The following VWC2 variants were observed in gnomAD, a reference collection of about 807,000 sequenced individuals.
The protein encoded by VWC2 is von Willebrand factor C domain containing 2, also known as brorin.
A neutral mutation model predicts 29.8 loss-of-function variants in VWC2; 14 were observed. The observed-to-expected ratio is 0.47, with a 90% confidence interval of 0.31 to 0.74. The LOEUF is 0.74. Ranked by LOEUF, VWC2 falls within the 30% of genes least tolerant of loss-of-function variation. The pLI, the probability that VWC2 is intolerant of heterozygous loss-of-function variation, is 0.05. For missense variants in VWC2, 457 were observed against 459.8 expected (o/e 0.99, Z 0.05); for synonymous variants, 213 against 199.0 (o/e 1.07, Z -0.59).
rs755722299 is a variant in VWC2, at chr7:49,775,557, A to G, written c.122A>G (p.Glu41Gly). Residue 41 changes from glutamate (E) to glycine (G), a missense_variant, in exon 2 of 4, where the codon GAG (glutamate) becomes GGG (glycine). Around this residue, in one of 2 missense-constraint regions of VWC2, gnomAD observed 272 missense variants for 202.7 expected, o/e 1.34. Transcript: ENST00000340652. Reference protein sequence around the residue: ...IPLEKLAQAPEQPGQEKREHA... With the variant: ...IPLEKLAQAPGQPGQEKREHA... ...CTGGAGAAGCTGGCCCAGGCACCAG[A>G]GCAGCCGGGCCAGGAGAAGCGTGAG... 3 of 1,552,470 alleles carry G rather than the reference A, an allele frequency of 1.9e-6. No homozygotes were observed. Among genetic ancestry groups the G allele is most frequent in the Non-Finnish European group, 2.6e-6 (3 of 1,152,324 alleles).
chr7:49,792,503 C>G (rs1489079552), intron 2 of VWC2, among the ~76,000 whole-genome samples: 1 of 152,172 alleles, frequency 6.6e-6, no homozygotes, highest in Non-Finnish European at 1.5e-5. Flanking sequence ...TTCCTCCTTC[C>G]CCTTTTTAAC....
chr7:49,802,632 C>T, intron 2 of VWC2, 79 bp from the exon 3 acceptor site: 2 of 1,574,762 alleles, frequency 1.3e-6, no homozygotes, highest in South Asian at 2.3e-5. Flanking sequence ...AGCGAGACTC[C>T]ATTTCAAAAA....
chr7:49,775,615 C>G lies in VWC2; in HGVS notation c.180C>G (p.Asn60Lys), dbSNP rs772136050. Residue 60 changes from asparagine to lysine, a missense_variant, in exon 2 of 4, where the codon AAC becomes AAG. Physicochemically the swap from Asn to Lys is moderately conservative, Grantham distance 94. Around this residue, in one of 2 missense-constraint regions of VWC2, gnomAD observed 272 missense variants for 202.7 expected, o/e 1.34. Transcript: ENST00000340652. ...CTCGGGACGGCCCGGGGCGGGTGAA[C>G]GAGCTCGGGCGCCCGGCGAGGGACG... ...HASRDGPGRV[N>K]ELGRPARDEG... The G allele has an allele frequency of 1.3e-5, 20 of 1,530,662 alleles. No individual in the cohort carries two copies. Among genetic ancestry groups the G allele is most frequent in the Non-Finnish European group, 1.7e-5 (19 of 1,141,622 alleles). The allele number at this position is 1,530,662 out of a possible 1,614,324, so 94.8% of individuals were successfully genotyped here. A position where few individuals can be genotyped will look rare whatever the true frequency, so the allele number is the denominator to read the frequency against.
At chr7:49,780,687 T>A (rs760458222) in intron 2 of VWC2, among the ~76,000 whole-genome samples, 44 of 152,176 alleles carry the variant, frequency 2.9e-4, no homozygotes, top group Non-Finnish European at 4.4e-4. Context: ...GATTGGCAAT[T>A]GTATAAGTCT....
chr7:49,902,554 CAAAAA>C (rs34786165), intron 3 of VWC2, among the ~76,000 whole-genome samples: 1 of 106,680 alleles, frequency 9.4e-6, no homozygotes, highest in Non-Finnish European at 1.9e-5. Flanking sequence ...TATCCGTAGC[CAAAAA>C]AAAAAAAAAA....
intron 2 of VWC2, among the ~76,000 whole-genome samples, chr7:49,794,677 G>A (rs1289388733): frequency 1.3e-5 from 2 of 152,126 alleles, no homozygotes; most frequent in East Asian, 3.8e-4. Context: ...ACATTCCCTG[G>A]GGTATACAGG....
At chr7:49,794,718 G>T (rs1223773877) in intron 2 of VWC2, among the ~76,000 whole-genome samples, 1 of 152,076 alleles carries the variant, frequency 6.6e-6, no homozygotes, top group Non-Finnish European at 1.5e-5. Context: ...CTCTCTACCT[G>T]CCCAGTCTGA....
chr7:49,892,770 G>A (rs1032127175), intron 3 of VWC2, among the ~76,000 whole-genome samples: 11 of 152,134 alleles, frequency 7.2e-5, no homozygotes, highest in Non-Finnish European at 1.3e-4. Context: ...CATTTTATTC[G>A]TTCATTTTTC....
chr7:49,836,371 G>A (rs1258643040), intron 3 of VWC2, among the ~76,000 whole-genome samples: 1 of 151,036 alleles, frequency 6.6e-6, no homozygotes, highest in East Asian at 2.0e-4. Flanking sequence ...ACTCAGGCCT[G>A]TAATCCCAGT....
intron 3 of VWC2, among the ~76,000 whole-genome samples, chr7:49,855,023 C>T (rs1296926865): frequency 6.6e-6 from 1 of 152,118 alleles, no homozygotes; most frequent in South Asian, 2.1e-4. Flanking sequence ...ATTAGCCTGC[C>T]TCTTTGAGAG....
chr7:49,793,888 G>A (rs1788521835), intron 2 of VWC2, among the ~76,000 whole-genome samples: 1 of 152,162 alleles, frequency 6.6e-6, no homozygotes, highest in Non-Finnish European at 1.5e-5. Context: ...ACACATTGCT[G>A]GTAGACCAGG....
chr7:49,910,860 A>T (rs1793371352), intron 3 of VWC2, among the ~76,000 whole-genome samples: 1 of 152,194 alleles, frequency 6.6e-6, no homozygotes, highest in Non-Finnish European at 1.5e-5. Context: ...CTGAGAACTT[A>T]TCAAAGCAAA....
At chr7:49,781,170 T>A (rs1483670625) in intron 2 of VWC2, among the ~76,000 whole-genome samples, 12 of 152,204 alleles carry the variant, frequency 7.9e-5, no homozygotes, top group Admixed American at 3.9e-4. Context: ...TCTGAGTTTG[T>A]TTTGGTTCTG....
chr7:49,905,823 G>T (rs1421523154), intron 3 of VWC2, among the ~76,000 whole-genome samples: 1 of 152,174 alleles, frequency 6.6e-6, no homozygotes, highest in African/African-American at 2.4e-5. Flanking sequence ...GATAAAACAG[G>T]CTGCAGTAAA....
chr7:49,877,483 T>TATATAC (rs1791479748), intron 3 of VWC2, among the ~76,000 whole-genome samples: 1 of 10,480 alleles, frequency 9.5e-5, no homozygotes, highest in African/African-American at 4.0e-4. Flanking sequence ...AAAAAAAAAA[T>TATATAC]ATATATATAT....
rs186815999 is a variant in VWC2 at position 49,875,940 on chromosome 7, G to T, written c.827-36094G>T. 2.4e-3 allele frequency among the ~76,000 whole-genome samples: 364 copies of T among 152,260 alleles called. 4 individuals are homozygous for T. Among genetic ancestry groups the T allele is most frequent in the South Asian group, 1.2e-3 (6 of 4,826 alleles). ...AAATAGTGGTGTTTAATACATAGTG[G>T]CTGGAAGAATGAGTCGAAGAAATTG... is the stretch of plus-strand genomic sequence containing the variant. On this transcript the variant is annotated intron_variant, in intron 3 of 3. Coordinates refer to ENST00000340652, the MANE Select transcript of VWC2 (RefSeq NM_198570.5).
rs927005399 is a variant in VWC2, at chr7:49,783,884, T to TA, written c.696+7761dup. 4.2e-4 allele frequency among the ~76,000 whole-genome samples: 64 copies of TA among 150,644 alleles called. 1 individual carries two copies. Among genetic ancestry groups the TA allele is most frequent in the East Asian group, 5.8e-4 (3 of 5,146 alleles). On this transcript the variant is annotated intron_variant, in intron 2 of 3. Coordinates refer to ENST00000340652, the MANE Select transcript of VWC2 (RefSeq NM_198570.5). ...GTGCAACATAGTGAGACCCTGTCTCTAAAAAAAATAATAATAATAAAATAA... is the reference window on the plus strand; with the variant it reads ...GTGCAACATAGTGAGACCCTGTCTCTAAAAAAAAATAATAATAATAAAATAA...
chr7:49,890,871 A>T (rs925916007), intron 3 of VWC2, among the ~76,000 whole-genome samples: 1 of 152,246 alleles, frequency 6.6e-6, no homozygotes, highest in Non-Finnish European at 1.5e-5. Context: ...GTATTTAAGG[A>T]TTTGTATCAG....
chr7:49,890,799 A>G (rs1205646393), intron 3 of VWC2, among the ~76,000 whole-genome samples: 1 of 152,166 alleles, frequency 6.6e-6, no homozygotes, highest in Non-Finnish European at 1.5e-5. Context: ...CTCACAGGAA[A>G]GGAAGGCTCA....
Sources: gnomAD v4.1 joint callset for allele counts (sites outside exome capture counted in the v4.1 genomes callset) on GRCh38, gnomAD v4.1.1 for gene constraint, gnomAD v4.1.1 regional missense constraint, MANE v1.5 for transcripts, NCBI Gene and HGNC (gene_info 2026-07-23, HGNC 2026-07-21) for gene names.